The following PRMT8 variants were observed in gnomAD, a reference collection of about 807,000 sequenced individuals.
PRMT8 encodes protein arginine methyltransferase 8.
Under a neutral mutation model 47.1 loss-of-function variants are expected in PRMT8, and 7 were observed. The observed-to-expected ratio is 0.15, with a 90% CI of 0.08 to 0.28. PRMT8 has a LOEUF of 0.28. Among genes scored for constraint, PRMT8 ranks in the 10% least tolerant of loss-of-function variants. The pLI, the probability that PRMT8 is intolerant of heterozygous loss-of-function variation, is 1.00. For synonymous variants in PRMT8, 188 were observed against 186.5 expected, an observed-to-expected ratio of 1.01 and a Z score of -0.07; for missense variants, 237 against 505.4, an observed-to-expected ratio of 0.47 and a Z score of 5.09.
In PRMT8 at chr12:3,448,677, AC is replaced by A. The variant is rs1178700416; in HGVS notation, c.48+67236del. Among the ~76,000 whole-genome samples the A allele has an allele frequency of 7.9e-5, 12 of 152,184 alleles. 1 individual carries two copies. Among genetic ancestry groups the A allele is most frequent in the Non-Finnish European group, 1.8e-4 (12 of 68,032 alleles). ...CCTGGACAGATGGAGAGAGAGAAAA[AC>A]ATCACCCTAAATGAAAACCACCGTT... On this transcript the variant is annotated intron_variant, in intron 1 of 9. Transcript: ENST00000452611.
chr12:3,538,300 AG>A lies in PRMT8; in HGVS notation c.76-2303del, dbSNP rs1866156772. 4.9e-6 allele frequency: 1 copy of A among 203,850 alleles called. No individual in the cohort carries two copies. 12.6% of individuals were successfully genotyped at this position (203,850 alleles called of 1,614,324 possible). ...ATTCCAGCATCTATCAGAGACAATA[AG>A]GGTCTTAGAATCTAGAAAACAGGGT... On this transcript the variant is annotated intron_variant, in intron 1 of 9. Transcript: ENST00000382622. This position sits in a 1 kb window ranked among gnomAD's most constrained non-coding sequence, Gnocchi z 4.6.
intron 1 of PRMT8, among the ~76,000 whole-genome samples, chr12:3,463,944 T>C (rs1365402110): frequency 1.3e-5 from 2 of 152,182 alleles, no homozygotes; most frequent in African/African-American, 4.8e-5. Flanking sequence ...CATAGCAAAG[T>C]TAAAGGTACC....
Position 3,593,121 on chromosome 12 carries a change from A to G in PRMT8, c.1124A>G (p.Asp375Gly). 1 of 1,614,096 alleles carries G rather than the reference A, an allele frequency of 6.2e-7. No homozygotes were observed. The highest frequency in any genetic ancestry group is 8.5e-7 in the Non-Finnish European group (1 of 1,180,006). The change falls in exon 10 of 10, where the codon GAC (aspartate) becomes GGC (glycine). Residue 375 changes from aspartate to glycine, a missense_variant. Asp to Gly is a moderately conservative substitution (Grantham distance 94). Transcript: ENST00000382622. This position sits in a 1 kb window ranked among gnomAD's most constrained non-coding sequence, Gnocchi z 4.8. The stretch of plus-strand genomic sequence containing the variant: ...CAGCGAGACCTCGATTTCACAGTAG[A>G]CTTGGATTTTAAGGGACAGCTGTGT... Reference protein sequence around the residue: ...KNVRDLDFTVDLDFKGQLCET... With the variant: ...KNVRDLDFTVGLDFKGQLCET...
chr12:3,453,802 A>G lies in PRMT8; in HGVS notation c.48+72360A>G, dbSNP rs1761926419. 6.6e-6 allele frequency among the ~76,000 whole-genome samples: 1 copy of G among 151,666 alleles called. No homozygotes were observed. The highest frequency in any genetic ancestry group is 2.4e-5 in the African/African-American group (1 of 41,224). ...CCTTGTCCTCCTGCCCGCTGTGTCT[A>G]TTTCTCAGCTCCTGCTATGCTAGGT... On this transcript the variant is annotated intron_variant, in intron 1 of 9. Coordinates refer to the PRMT8 transcript ENST00000452611. This position sits in a 1 kb window ranked among gnomAD's most constrained non-coding sequence, Gnocchi z 4.9.
At chr12:3,451,439 C>T (rs768607952) in intron 1 of PRMT8, among the ~76,000 whole-genome samples, 7 of 152,190 alleles carry the variant, frequency 4.6e-5, no homozygotes, top group African/African-American at 7.2e-5. Context: ...GTCTAACACA[C>T]GTTCATGTGC....
At chr12:3,488,293 T>C (rs989525821), upstream of PRMT8, among the ~76,000 whole-genome samples, 1 of 152,206 alleles carries the variant, frequency 6.6e-6, no homozygotes, top group African/African-American at 2.4e-5. Flanking sequence ...CTAGCGAATG[T>C]TGACATAATA....
At position 3,576,310 on chromosome 12, in the gene PRMT8, G is replaced by T. The variant is rs1866943800; in HGVS notation, c.713-561G>T. Among the ~76,000 whole-genome samples, 1 of 152,200 alleles carries T rather than the reference G, an allele frequency of 6.6e-6. No individual in the cohort carries two copies. Among genetic ancestry groups the T allele is most frequent in the Admixed American group, 6.5e-5 (1 of 15,290 alleles). On this transcript the variant is annotated intron_variant, in intron 6 of 9. Transcript: ENST00000382622. The surrounding 1 kb of genome is among the most constrained non-coding windows in gnomAD (Gnocchi z 4.0). ...GAGAGGTTAGGTCATTTGTACAAAG[G>T]CTGACCAGTAAGTGGTGGTGCTGGA...
chr12:3,583,977 C>T lies in PRMT8; in HGVS notation c.979+769C>T, dbSNP rs1355044686. Among the ~76,000 whole-genome samples the T allele has an allele frequency of 6.6e-6, 1 of 152,214 alleles. No individual in the cohort carries two copies. Among genetic ancestry groups the T allele is most frequent in the African/African-American group, 2.4e-5 (1 of 41,440 alleles). ...TCTACACACACCAGCCCTTGCCTAT[C>T]CAGGTGTGCCCTGGAGGTGGGAGGG... On this transcript the variant is annotated intron_variant, in intron 8 of 9. Transcript: ENST00000382622. This position sits in a 1 kb window ranked among gnomAD's most constrained non-coding sequence, Gnocchi z 4.7.
At position 3,409,428 on chromosome 12, in the gene PRMT8, A is replaced by G. The variant is rs1206919569; in HGVS notation, c.48+27986A>G. Among the ~76,000 whole-genome samples, 1 of 152,134 alleles carries G rather than the reference A, an allele frequency of 6.6e-6. No homozygotes were observed. Among genetic ancestry groups the G allele is most frequent in the African/African-American group, 2.4e-5 (1 of 41,412 alleles). The stretch of plus-strand genomic sequence containing the variant: ...TCTCTAGACCTTGGGATGGTGGGAC[A>G]TGCCAGTATCTGAGGCTCGGCAAGA... On this transcript the variant is annotated intron_variant, in intron 1 of 9. Coordinates refer to the PRMT8 transcript ENST00000452611. This position sits in a 1 kb window ranked among gnomAD's most constrained non-coding sequence, Gnocchi z 4.4.
At chr12:3,391,466 C>T (rs1047618780) in intron 1 of PRMT8, among the ~76,000 whole-genome samples, 1 of 152,162 alleles carries the variant, frequency 6.6e-6, no homozygotes, top group East Asian at 1.9e-4. Context: ...CAAAATCACT[C>T]TGTGTGTGGG....
intron 1 of PRMT8, among the ~76,000 whole-genome samples, chr12:3,444,979 AG>A (rs1220011065): frequency 6.6e-6 from 1 of 152,218 alleles, no homozygotes; most frequent in Non-Finnish European, 1.5e-5. Flanking sequence ...AGGGAAGGTT[AG>A]GGGTGATGGG....
intron 4 of PRMT8, 28 bp from the exon 5 acceptor site, chr12:3,568,678 G>C (rs757871726): frequency 6.2e-7 from 1 of 1,613,838 alleles, no homozygotes; most frequent in African/African-American, 1.3e-5. Context: ...TCCCTGCAAA[G>C]TATGGCCCTG....
At chr12:3,471,768 T>G (rs1035966027) in intron 1 of PRMT8, among the ~76,000 whole-genome samples, 2 of 151,848 alleles carry the variant, frequency 1.3e-5, no homozygotes, top group Admixed American at 1.3e-4. Flanking sequence ...AAGTACCCAC[T>G]TCCATGCTGG....
At chr12:3,511,488 A>G (rs1865713634) in intron 1 of PRMT8, among the ~76,000 whole-genome samples, 1 of 152,208 alleles carries the variant, frequency 6.6e-6, no homozygotes, top group Non-Finnish European at 1.5e-5. Flanking sequence ...TGTCTGGGGA[A>G]GAAACCTTGC....
At chr12:3,490,271 C>A (rs1591566872), upstream of PRMT8, among the ~76,000 whole-genome samples, 2 of 152,170 alleles carry the variant, frequency 1.3e-5, no homozygotes, top group South Asian at 4.2e-4. Context: ...AGAATGGGGT[C>A]CCCCGCTTTT....
rs1048546309 is a variant in PRMT8, at chr12:3,409,573, C to G, written c.48+28131C>G. The stretch of plus-strand genomic sequence containing the variant: ...GTGGGGTGCTTCAGCAGCTCCGAAT[C>G]TGGGGTGGCTAGTCTAGTTCCAGGG... On this transcript the variant is annotated intron_variant, in intron 1 of 9. Coordinates refer to the PRMT8 transcript ENST00000452611. The surrounding 1 kb of genome is among the most constrained non-coding windows in gnomAD (Gnocchi z 4.4). Among the ~76,000 whole-genome samples, 1 of 134,044 alleles carries G rather than the reference C, an allele frequency of 7.5e-6. No homozygotes were observed. The highest frequency in any genetic ancestry group is 1.6e-5 in the Non-Finnish European group (1 of 63,342). The allele number at this position is 134,044 out of a possible 152,430, so 87.9% of individuals were successfully genotyped here.
chr12:3,415,787 C>T (rs755588960), intron 1 of PRMT8, among the ~76,000 whole-genome samples: 6 of 152,360 alleles, frequency 3.9e-5, no homozygotes, highest in African/African-American at 7.2e-5. Context: ...CATGCAGACA[C>T]GCAGGCTCAG....
In PRMT8 at chr12:3,580,772, G is replaced by A. The variant is rs1470569674; in HGVS notation, c.829-2286G>A. On this transcript the variant is annotated intron_variant, in intron 7 of 9. Transcript: ENST00000382622. This position sits in a 1 kb window ranked among gnomAD's most constrained non-coding sequence, Gnocchi z 4.6. ...ATACCAGGGACCTTGGAAAGAGCCT[G>A]GAGCCTGGCTGATTGGCCCTGAGAA... 6.6e-6 allele frequency among the ~76,000 whole-genome samples: 1 copy of A among 152,164 alleles called. No individual in the cohort carries two copies. Among genetic ancestry groups the A allele is most frequent in the Non-Finnish European group, 1.5e-5 (1 of 68,026 alleles).
At chr12:3,480,595 C>T (rs1865264366) in intron 1 of PRMT8, among the ~76,000 whole-genome samples, 1 of 152,148 alleles carries the variant, frequency 6.6e-6, no homozygotes, top group African/African-American at 2.4e-5. Context: ...TCTCCAGTAA[C>T]TTGTGGCAGA....
Sources: allele counts gnomAD v4.1 joint callset (sites outside exome capture counted in the v4.1 genomes callset), GRCh38; gene constraint gnomAD v4.1.1; non-coding constraint Gnocchi (gnomAD v3.1); transcripts MANE v1.5; gene names NCBI Gene and HGNC (gene_info 2026-07-23, HGNC 2026-07-21).